CIC: variants seen among roughly 807,000 people sequenced by gnomAD.
The protein encoded by CIC is capicua transcriptional repressor, also known as protein capicua homolog.
CIC carries 18 observed loss-of-function variants against 115.7 expected under a neutral mutation model. The observed-to-expected ratio is 0.16, with a 90% CI of 0.11 to 0.23. The LOEUF is 0.23. Among genes scored for constraint, CIC ranks in the 10% least tolerant of loss-of-function variants. The pLI, the probability that CIC is intolerant of heterozygous loss-of-function variation, is 1.00. For synonymous variants in CIC, 1,076 were observed against 923.0 expected (o/e 1.17, Z -3.01); for missense variants, 2,000 against 2,159.3 (o/e 0.93, Z 1.46).
chr19:42,288,098 A>C (rs1405247213), intron 7 of CIC, 123 bp downstream of exon 7: 3 of 1,157,690 alleles, frequency 2.6e-6, no homozygotes, highest in Non-Finnish European at 3.7e-6. Context: ...TAATTTGGCG[A>C]CCCTTATCCG....
intron 2 of CIC, among the ~76,000 whole-genome samples, chr19:42,281,793 C>T (rs894889606): frequency 6.6e-6 from 1 of 152,232 alleles, no homozygotes. Flanking sequence ...GGCCTCTTCC[C>T]ATCTCTCCTC....
At chr19:42,286,076 G>A (rs2037618296) in intron 2 of CIC, among the ~76,000 whole-genome samples, 1 of 152,204 alleles carries the variant, frequency 6.6e-6, no homozygotes, top group Admixed American at 6.5e-5. Flanking sequence ...GATGGGGAAG[G>A]GAGGCTGGGA....
At chr19:42,276,783 C>T (rs894371395) in intron 2 of CIC, among the ~76,000 whole-genome samples, 1 of 152,136 alleles carries the variant, frequency 6.6e-6, no homozygotes, top group African/African-American at 2.4e-5. Context: ...CCACAACCCC[C>T]AACATGGCCC....
chr19:42,284,865 C>T (rs890972914), intron 2 of CIC: 80 of 1,104,816 alleles, frequency 7.2e-5, no homozygotes, highest in Non-Finnish European at 9.5e-5. Context: ...GGGGAGAGAA[C>T]AGTAGAGGCA....
intron 2 of CIC, among the ~76,000 whole-genome samples, chr19:42,278,954 G>A (rs1415358894): frequency 6.6e-6 from 1 of 152,226 alleles, no homozygotes; most frequent in East Asian, 1.9e-4. Flanking sequence ...TCCGGCTGTA[G>A]GGGGCGGCAG....
At position 42,287,537 on chromosome 19, in the gene CIC, T is replaced by C. The variant is rs755446207; in HGVS notation, c.3310-8T>C. 1.2e-6 allele frequency: 2 copies of C among 1,613,142 alleles called. No individual in the cohort carries two copies. The highest frequency in any genetic ancestry group is 8.5e-7 in the Non-Finnish European group (1 of 1,180,020). ...TAACTGTCCCGCTCTGGGCTGTGTT[T>C]AATGCAGCGGGAGAAGGACCACATC... On this transcript the variant is annotated splice_region_variant and splice_polypyrimidine_tract_variant and intron_variant, in intron 5 of 20. Transcript: ENST00000681038. The surrounding 1 kb of genome is among the most constrained non-coding windows in gnomAD (Gnocchi z 8.7).
chr19:42,295,227 C>A lies in CIC; in HGVS notation c.*36C>A, dbSNP rs1389472932. 1.3e-6 allele frequency: 2 copies of A among 1,526,576 alleles called. No homozygotes were observed. The highest frequency in any genetic ancestry group is 1.8e-6 in the Non-Finnish European group (2 of 1,139,418). 94.6% of individuals were successfully genotyped at this position (1,526,576 alleles called of 1,614,324 possible). On this transcript the variant is annotated 3_prime_UTR_variant, in exon 21 of 21. Coordinates refer to ENST00000681038, the MANE Select transcript of CIC (RefSeq NM_001386298.1). The stretch of plus-strand genomic sequence containing the variant: ...AGAAGATGCCAGGACTTATAGTACC[C>A]CCTCAGGACATGGACAGTATGTGGG...
chr19:42,293,628 G>A lies in CIC; in HGVS notation c.6559G>A (p.Val2187Ile), dbSNP rs771163344. 2.2e-5 allele frequency: 35 copies of A among 1,613,468 alleles called. No homozygotes were observed. Among genetic ancestry groups the A allele is most frequent in the Middle Eastern group, 1.6e-4 (1 of 6,084 alleles). ...CCCCAGCTCATCTTCAGACTGGCGC[G>A]TCCCTGGGCAGGGCCTGGAGAATCG... ...KFPSSSSDWR[V>I]PGQGLENRGE... Residue 2187 changes from valine (V) to isoleucine (I), a missense_variant, in exon 17 of 21, where the codon GTC (valine) becomes ATC (isoleucine). This residue lies in a region of CIC where 1,466 missense variants were observed against 1,390.4 expected (regional missense o/e 1.05). Coordinates refer to ENST00000681038, the MANE Select transcript of CIC (RefSeq NM_001386298.1).
chr19:42,288,003 C>G (rs1202174032), intron 7 of CIC, 28 bp downstream of exon 7: 2 of 1,566,816 alleles, frequency 1.3e-6, no homozygotes, highest in South Asian at 1.2e-5. Context: ...CTCTCCCACC[C>G]TGCCACCTCC....
chr19:42,288,396 C>A (rs1230835825), intron 7 of CIC, among the ~76,000 whole-genome samples: 1 of 152,190 alleles, frequency 6.6e-6, no homozygotes, highest in Non-Finnish European at 1.5e-5. Flanking sequence ...GTTGGGGCCA[C>A]TGCAGCTCGC....
intron 2 of CIC, chr19:42,284,398 CGATGGCCCCCGTGCCGCGCGCCCCGT>C (rs1488467368): frequency 1.4e-5 from 2 of 145,422 alleles, no homozygotes; most frequent in African/African-American, 4.9e-5. Flanking sequence ...GGGGCGGTGC[CGATGGCCCCCGTGCCGCGCGCCCCGT>C]GACGGCCCCC....
intron 2 of CIC, among the ~76,000 whole-genome samples, chr19:42,285,568 C>A (rs574840401): frequency 3.9e-5 from 6 of 152,246 alleles, no homozygotes; most frequent in Admixed American, 3.9e-4. Context: ...AGAGCTCCCC[C>A]CTGTCCAGGC....
chr19:42,290,955 T>C lies in CIC; in HGVS notation c.4914T>C (p.Tyr1638=), dbSNP rs1261758165. Residue 1638 remains tyrosine, a synonymous_variant, in exon 11 of 21, where the codon TAT becomes TAC. Transcript: ENST00000681038. ...GGSPLGVSLV[Y]SDKKSAAATS... ...CCCCGCTGGGTGTCAGCTTAGTGTA[T>C]TCGGACAAGAAGTCGGCAGCAGCCA... 1.2e-6 allele frequency: 2 copies of C among 1,613,584 alleles called. No homozygotes were observed. The highest frequency in any genetic ancestry group is 2.7e-5 in the African/African-American group (2 of 74,918).
At position 42,281,796 on chromosome 19, in the gene CIC, C is replaced by T. The variant is rs554424804; in HGVS notation, c.2795-4975C>T. 1.9e-3 allele frequency among the ~76,000 whole-genome samples: 292 copies of T among 152,056 alleles called. 1 individual carries two copies. The highest frequency in any genetic ancestry group is 6.7e-3 in the African/African-American group (280 of 41,530). ...TGCCCCGGACGGGGCCTCTTCCCAT[C>T]TCTCCTCCGTGGGCACTGTGTATTC... is the stretch of plus-strand genomic sequence containing the variant. On this transcript the variant is annotated intron_variant, in intron 2 of 20. Coordinates refer to ENST00000681038, the MANE Select transcript of CIC (RefSeq NM_001386298.1).
rs1308643920 is a variant in CIC at position 42,280,820 on chromosome 19, C to T, written c.2795-5951C>T. Among the ~76,000 whole-genome samples the T allele has an allele frequency of 6.6e-6, 1 of 151,974 alleles. No homozygotes were observed. Among genetic ancestry groups the T allele is most frequent in the Non-Finnish European group, 1.5e-5 (1 of 67,944 alleles). ...TCCTCTGCTCGGGCCTTGGCGCCTC[C>T]CTCAGCCCGCGCCGACCAACCCTCC... On this transcript the variant is annotated intron_variant, in intron 2 of 20. Coordinates refer to ENST00000681038, the MANE Select transcript of CIC (RefSeq NM_001386298.1). The surrounding 1 kb of genome is among the most constrained non-coding windows in gnomAD (Gnocchi z 4.9).
rs2147360371 is a variant in CIC, at chr19:42,295,117, C to T, written c.7480C>T (p.Gln2494Ter). 6.6e-7 allele frequency: 1 copy of T among 1,519,222 alleles called. No individual in the cohort carries two copies. The highest frequency in any genetic ancestry group is 8.8e-7 in the Non-Finnish European group (1 of 1,139,576). The allele number at this position is 1,519,222 out of a possible 1,614,324, so 94.1% of individuals were successfully genotyped here. Reference protein sequence around the residue: ...LPPPPESGPGQPGWEGAPQPS... With the variant: ...LPPPPESGPG ...TCCACCCCCAGAGTCGGGGCCTGGA[C>T]AGCCTGGCTGGGAGGGGGCTCCCCA... is the stretch of plus-strand genomic sequence containing the variant. Residue 2494 changes from glutamine to a stop codon, truncating the protein, a stop_gained, in exon 21 of 21, where the codon CAG becomes TAG. Transcript: ENST00000681038. LOFTEE classifies it high-confidence loss of function.
intron 2 of CIC, among the ~76,000 whole-genome samples, chr19:42,286,537 G>A (rs2147164931): frequency 6.6e-6 from 1 of 152,036 alleles, no homozygotes; most frequent in East Asian, 1.9e-4. Context: ...GAGGAGTGGG[G>A]CGTGAGTACT....
chr19:42,269,693 C>T (rs1240410355), intron 1 of CIC, among the ~76,000 whole-genome samples: 2 of 135,780 alleles, frequency 1.5e-5, no homozygotes. Flanking sequence ...GTGACAGGTC[C>T]GGAGATGGCT....
chr19:42,289,820 C>T, intron 9 of CIC, 28 bp from the exon 10 acceptor site: 2 of 1,543,332 alleles, frequency 1.3e-6, no homozygotes, highest in East Asian at 2.3e-5. Flanking sequence ...CTAGCCCCCT[C>T]CCCATACTGT....
Sources: allele counts gnomAD v4.1 joint callset (sites outside exome capture counted in the v4.1 genomes callset), GRCh38; gene constraint gnomAD v4.1.1; regional missense constraint gnomAD v4.1.1; non-coding constraint Gnocchi (gnomAD v3.1); transcripts MANE v1.5; gene names NCBI Gene and HGNC (gene_info 2026-07-23, HGNC 2026-07-21).